UBE2D2: variants seen among roughly 807,000 people sequenced by gnomAD.
UBE2D2 encodes the protein ubiquitin-conjugating enzyme E2 D2.
UBE2D2 carries 2 observed loss-of-function variants against 24.2 expected under a neutral mutation model. The ratio of observed to expected loss-of-function variants is 0.08; its 90% confidence interval spans 0.03 to 0.26. The LOEUF (loss-of-function observed/expected upper bound fraction) is 0.26. Ranked by LOEUF, UBE2D2 falls within the 10% of genes least tolerant of loss-of-function variation. The pLI is 1.00. For missense variants in UBE2D2, 44 were observed against 177.6 expected (o/e 0.25, Z 4.28); for synonymous variants, 58 against 56.5 (o/e 1.03, Z -0.12).
At chr5:139,595,917 A>T in intron 1 of UBE2D2, among the ~76,000 whole-genome samples, 1 of 123,212 alleles carries the variant, frequency 8.1e-6, no homozygotes, top group African/African-American at 3.3e-5. Context: ...TTTTTGAGAC[A>T]GAGTCTCACT....
chr5:139,537,197 AAC>A (rs954074880), intron 1 of UBE2D2, among the ~76,000 whole-genome samples: 1 of 151,784 alleles, frequency 6.6e-6, no homozygotes, highest in African/African-American at 2.4e-5. Flanking sequence ...AAAAAAAAAA[AAC>A]AACAAAAAGT....
In UBE2D2 at chr5:139,527,519, C is replaced by G. The variant is rs555954781; in HGVS notation, c.-64+907C>G. 7.2e-5 allele frequency among the ~76,000 whole-genome samples: 11 copies of G among 152,284 alleles called. No individual in the cohort carries two copies. The East Asian group carries it at 2.1e-3, about 29-fold the overall frequency. The stretch of plus-strand genomic sequence containing the variant: ...AACATGTATTATGGTAACTTCTAAT[C>G]TTGTGGCCTTAGACAGTCTAGTCAA... On this transcript the variant is annotated intron_variant, in intron 1 of 6. Coordinates refer to the UBE2D2 transcript ENST00000511725.
At position 139,562,528 on chromosome 5, in the gene UBE2D2, A is replaced by G. The variant is rs183914189; in HGVS notation, c.24+713A>G. The G allele has an allele frequency of 1.3e-3, 1,405 of 1,061,170 alleles. 1 individual carries two copies. Among genetic ancestry groups the G allele is most frequent in the Non-Finnish European group, 1.6e-3 (1,312 of 807,018 alleles). The allele number at this position is 1,061,170 out of a possible 1,614,324, so 65.7% of individuals were successfully genotyped here. A position where few individuals can be genotyped will look rare whatever the true frequency, so the allele number is the denominator to read the frequency against. On this transcript the variant is annotated intron_variant, in intron 1 of 6. Coordinates refer to ENST00000398733, the MANE Select transcript of UBE2D2 (RefSeq NM_003339.3). The stretch of plus-strand genomic sequence containing the variant: ...ATTGGATCTAATAGAAAAGCTGTAC[A>G]TTGGCAAAGGTAGAGGTAGAAACCT...
chr5:139,569,601 A>G (rs1753308783), intron 1 of UBE2D2, among the ~76,000 whole-genome samples: 1 of 152,210 alleles, frequency 6.6e-6, no homozygotes, highest in African/African-American at 2.4e-5. Context: ...AAATCATGTT[A>G]AACTATAATA....
At chr5:139,551,250 G>C (rs908422269) in intron 1 of UBE2D2, among the ~76,000 whole-genome samples, 1 of 152,152 alleles carries the variant, frequency 6.6e-6, no homozygotes, top group African/African-American at 2.4e-5. Context: ...GGAGGCTAAG[G>C]CAGGTCTTGA....
chr5:139,624,795 A>G (rs1286062415), intron 6 of UBE2D2, among the ~76,000 whole-genome samples: 2 of 152,244 alleles, frequency 1.3e-5, no homozygotes, highest in Non-Finnish European at 2.9e-5. Context: ...CTTGAGTTCT[A>G]GTGGATTAGA....
intron 1 of UBE2D2, among the ~76,000 whole-genome samples, chr5:139,548,193 A>AAAAAAAAAAAATAAT: frequency 2.1e-5 from 1 of 47,116 alleles, no homozygotes; most frequent in Admixed American, 2.4e-4. Context: ...ATAAAAAAAA[A>AAAAAAAAAAAATAAT]AAATAAATAA....
intron 1 of UBE2D2, among the ~76,000 whole-genome samples, chr5:139,535,692 T>C (rs1178912283): frequency 1.3e-5 from 2 of 152,162 alleles, no homozygotes; most frequent in East Asian, 3.8e-4. Context: ...TATGCCCCTA[T>C]CAAAGAGCAT....
At chr5:139,579,997 G>T (rs552768742) in intron 1 of UBE2D2, among the ~76,000 whole-genome samples, 1 of 150,546 alleles carries the variant, frequency 6.6e-6, no homozygotes, top group South Asian at 2.1e-4. Flanking sequence ...AGTGAGCTGA[G>T]ATCATGCCGT....
chr5:139,587,319 T>G (rs544200416), intron 1 of UBE2D2, among the ~76,000 whole-genome samples: 7 of 152,196 alleles, frequency 4.6e-5, no homozygotes, highest in African/African-American at 1.7e-4. Flanking sequence ...GGGATGGAAG[T>G]CAGCAGCGGC....
intron 1 of UBE2D2, among the ~76,000 whole-genome samples, chr5:139,566,454 G>A (rs1313562603): frequency 6.6e-6 from 1 of 152,042 alleles, no homozygotes; most frequent in Non-Finnish European, 1.5e-5. Context: ...TGGGCAGATC[G>A]CTTGAGCTCA....
chr5:139,627,584 G>C lies in UBE2D2; in HGVS notation c.*783G>C, dbSNP rs994821505. ...TGGATGTAAGGGTGAAAATTCATTT[G>C]ATGGAAATACTTGTGTATATTTAAA... On this transcript the variant is annotated 3_prime_UTR_variant, in exon 7 of 7. Coordinates refer to ENST00000398733, the MANE Select transcript of UBE2D2 (RefSeq NM_003339.3). 4 of 152,650 alleles carry C rather than the reference G, an allele frequency of 2.6e-5. No individual in the cohort carries two copies. The highest frequency in any genetic ancestry group is 5.9e-5 in the Non-Finnish European group (4 of 68,050). The allele number at this position is 152,650 out of a possible 1,614,324, so 9.5% of individuals were successfully genotyped here.
At chr5:139,580,721 A>G (rs1753584051) in intron 1 of UBE2D2, among the ~76,000 whole-genome samples, 1 of 152,196 alleles carries the variant, frequency 6.6e-6, no homozygotes, top group Non-Finnish European at 1.5e-5. Context: ...CTGGGATTAC[A>G]GGCGTGAGCC....
chr5:139,625,282 T>TTG (rs992511657), intron 6 of UBE2D2, among the ~76,000 whole-genome samples: 1 of 146,916 alleles, frequency 6.8e-6, no homozygotes, highest in African/African-American at 2.5e-5. Flanking sequence ...ATTTGTTTTT[T>TTG]TTTTTTTTTT....
intron 1 of UBE2D2, chr5:139,562,529 T>C: frequency 9.6e-7 from 1 of 1,045,784 alleles, no homozygotes; most frequent in Non-Finnish European, 1.3e-6. Flanking sequence ...AAGCTGTACA[T>C]TGGCAAAGGT....
intron 1 of UBE2D2, among the ~76,000 whole-genome samples, chr5:139,546,506 A>G (rs1336688541): frequency 6.9e-6 from 1 of 145,290 alleles, no homozygotes; most frequent in Non-Finnish European, 1.5e-5. Context: ...TGTTTGAAAC[A>G]GAGTCTTGCT....
chr5:139,610,116 C>T (rs567200519), intron 2 of UBE2D2, among the ~76,000 whole-genome samples: 1 of 151,900 alleles, frequency 6.6e-6, no homozygotes, highest in African/African-American at 2.4e-5. Flanking sequence ...TAATAGCAAA[C>T]TCAAAGGAAC....
intron 1 of UBE2D2, among the ~76,000 whole-genome samples, chr5:139,562,571 A>G (rs990398692): frequency 2.6e-5 from 4 of 152,210 alleles, no homozygotes; most frequent in Admixed American, 1.3e-4. Flanking sequence ...GAAAACCACC[A>G]GAGAAATTAT....
At chr5:139,534,436 G>A (rs1220041478) in intron 1 of UBE2D2, among the ~76,000 whole-genome samples, 1 of 152,052 alleles carries the variant, frequency 6.6e-6, no homozygotes, top group Non-Finnish European at 1.5e-5. Flanking sequence ...CGTCGTGGCG[G>A]GCGCCTGTAG....
Sources: gnomAD v4.1 joint callset for allele counts (sites outside exome capture counted in the v4.1 genomes callset) on GRCh38, gnomAD v4.1.1 for gene constraint, MANE v1.5 for transcripts, NCBI Gene and HGNC (gene_info 2026-07-23, HGNC 2026-07-21) for gene names.